Variants in NFE2L3 observed in about 807,000 individuals in gnomAD.
NFE2L3 encodes nuclear factor erythroid 2-related factor 3.
In NFE2L3, 18 loss-of-function variants were observed where a neutral mutation model predicts 23.5. The ratio of observed to expected loss-of-function variants is 0.77; its 90% confidence interval spans 0.53 to 1.13. The LOEUF is 1.13. Among genes scored for constraint, NFE2L3 ranks in the 50% most tolerant of loss-of-function variants. The probability of loss-of-function intolerance (pLI) is 0.00; values close to 1 mark genes in which losing one functional copy is unlikely to be tolerated. For synonymous variants in NFE2L3, 424 were observed against 354.5 expected (o/e 1.20, Z -2.20); for missense variants, 1,152 against 877.2 (o/e 1.31, Z -3.96).
chr7:26,160,797 C>T (rs10268883), intron 1 of NFE2L3, among the ~76,000 whole-genome samples: 55,858 of 152,100 alleles, frequency 0.37, 10,767 homozygotes, highest in Non-Finnish European at 0.42. Flanking sequence ...AATAGAATGA[C>T]TTAAGAACAA....
intron 2 of NFE2L3, among the ~76,000 whole-genome samples, chr7:26,181,480 G>A (rs1784507967): frequency 6.6e-6 from 1 of 152,072 alleles, no homozygotes; most frequent in Admixed American, 6.5e-5. Flanking sequence ...TTAGAAATCA[G>A]AACCCCAGTG....
At chr7:26,157,976 T>C (rs924425144) in intron 1 of NFE2L3, among the ~76,000 whole-genome samples, 5 of 152,218 alleles carry the variant, frequency 3.3e-5, no homozygotes, top group Non-Finnish European at 7.3e-5. Context: ...GCCTTCATCT[T>C]CACATGGCAT....
Position 26,185,443 on chromosome 7 carries a change from T to C in NFE2L3, c.1745T>C (p.Ile582Thr). The C allele has an allele frequency of 1.9e-6, 3 of 1,614,088 alleles. No homozygotes were observed. The highest frequency in any genetic ancestry group is 2.5e-6 in the Non-Finnish European group (3 of 1,179,954). Residue 582 changes from isoleucine (I) to threonine (T), a missense_variant, in exon 4 of 4, where the codon ATC (isoleucine) becomes ACC (threonine). Transcript: ENST00000056233. ...CTACAAGTCTCACTTATCCGTGACA[T>C]CAGACGAAGAGGGAAAAATAAAGTT... ...TDLQVSLIRD[I>T]RRRGKNKVAA...
chr7:26,157,354 T>A (rs1256728951), intron 1 of NFE2L3, among the ~76,000 whole-genome samples: 1 of 151,976 alleles, frequency 6.6e-6, no homozygotes, highest in Non-Finnish European at 1.5e-5. Context: ...ATTTTTTTTT[T>A]TTTTAATAGA....
intron 1 of NFE2L3, among the ~76,000 whole-genome samples, chr7:26,163,447 A>G (rs371180791): frequency 7.9e-5 from 12 of 152,286 alleles, no homozygotes; most frequent in Admixed American, 2.0e-4. Context: ...CCCGGGTTCA[A>G]GCAATTCTCC....
At chr7:26,175,733 C>T (rs1392651654) in intron 1 of NFE2L3, among the ~76,000 whole-genome samples, 4 of 148,186 alleles carry the variant, frequency 2.7e-5, no homozygotes, top group Middle Eastern at 7.2e-3. Flanking sequence ...GAGCCAAGAT[C>T]GTGCCACTGC....
At chr7:26,184,219 C>T (rs762990337) in intron 3 of NFE2L3, 34 of 348,774 alleles carry the variant, frequency 9.7e-5, no homozygotes, top group Admixed American at 2.3e-4. Context: ...GATTACCAAC[C>T]GCTAGGATGA....
intron 3 of NFE2L3, 178 bp from the exon 4 acceptor site, chr7:26,184,355 T>G (rs1181836952): frequency 3.5e-6 from 2 of 571,300 alleles, no homozygotes; most frequent in South Asian, 2.4e-5. Context: ...GTATTCTGAT[T>G]TGGACTCACA....
At chr7:26,168,608 T>C (rs771148956) in intron 1 of NFE2L3, among the ~76,000 whole-genome samples, 124 of 150,816 alleles carry the variant, frequency 8.2e-4, no homozygotes, top group Middle Eastern at 3.5e-3. Flanking sequence ...ACAATTTCTT[T>C]ATCCACTCAT....
At chr7:26,168,923 G>A (rs1784295640) in intron 1 of NFE2L3, among the ~76,000 whole-genome samples, 1 of 152,164 alleles carries the variant, frequency 6.6e-6, no homozygotes, top group Non-Finnish European at 1.5e-5. Flanking sequence ...TCGGGAAACT[G>A]AGGGTCAAAG....
rs760038681 is a variant in NFE2L3 at position 26,178,048 on chromosome 7, A to AATG, written c.687_689dup (p.Asp229dup). On this transcript the variant is annotated inframe_insertion, in exon 2 of 4. Coordinates refer to ENST00000056233, the MANE Select transcript of NFE2L3 (RefSeq NM_004289.7). ...CCAGAAGGAGAACTCACTTCAGCAGAATGATGATGATGAAAACAAAATAGC... is the reference window on the plus strand; with the variant it reads ...CCAGAAGGAGAACTCACTTCAGCAGAATGATGATGATGATGAAAACAAAATAGC... 1.9e-6 allele frequency: 3 copies of AATG among 1,614,010 alleles called. No homozygotes were observed. The highest frequency in any genetic ancestry group is 2.2e-5 in the East Asian group (1 of 44,882).
chr7:26,183,941 A>G, intron 3 of NFE2L3, 157 bp downstream of exon 3: 1 of 569,418 alleles, frequency 1.8e-6, no homozygotes, highest in Non-Finnish European at 3.1e-6. Flanking sequence ...TATGTATAGC[A>G]TTCCTCTTTC....
intron 1 of NFE2L3, 103 bp from the exon 2 acceptor site, chr7:26,177,840 G>A (rs142835490): frequency 4.8e-5 from 46 of 955,488 alleles, no homozygotes; most frequent in African/African-American, 8.2e-5. Flanking sequence ...TTGAAATGCC[G>A]GTCTTAGCTT....
intron 2 of NFE2L3, among the ~76,000 whole-genome samples, chr7:26,178,442 C>A (rs1205670198): frequency 6.6e-6 from 1 of 152,116 alleles, no homozygotes; most frequent in Non-Finnish European, 1.5e-5. Context: ...CCTAGGAGTC[C>A]TCAACCAGCC....
Position 26,152,812 on chromosome 7 carries a change from G to T in NFE2L3, c.314G>T (p.Arg105Leu). The T allele has an allele frequency of 6.7e-7, 1 of 1,486,942 alleles. No individual in the cohort carries two copies. The highest frequency in any genetic ancestry group is 8.9e-7 in the Non-Finnish European group (1 of 1,126,284). 92.1% of individuals were successfully genotyped at this position (1,486,942 alleles called of 1,614,324 possible). A position where few individuals can be genotyped will look rare whatever the true frequency, so the allele number is the denominator to read the frequency against. Residue 105 changes from arginine (R) to leucine (L), a missense_variant, in exon 1 of 4, where the codon CGC becomes CTC. Transcript: ENST00000056233. The surrounding 1 kb of genome is among the most constrained non-coding windows in gnomAD (Gnocchi z 4.4). ...VRALGVPFVP[R>L]TSVDAWLVHS... ...GCGCTCGGGGTCCCCTTCGTCCCTC[G>T]CACCAGCGTGGATGCATGGCTGGTG... is the stretch of plus-strand genomic sequence containing the variant.
Position 26,152,632 on chromosome 7 carries a change from A to G in NFE2L3, c.134A>G (p.Glu45Gly). 6.5e-7 allele frequency: 1 copy of G among 1,529,818 alleles called. No homozygotes were observed. 94.8% of individuals were successfully genotyped at this position (1,529,818 alleles called of 1,614,324 possible). Residue 45 changes from glutamate (E) to glycine (G), a missense_variant, in exon 1 of 4, where the codon GAG becomes GGG. Glu to Gly is a moderately conservative substitution (Grantham distance 98). Transcript: ENST00000056233. The surrounding 1 kb of genome is among the most constrained non-coding windows in gnomAD (Gnocchi z 4.4). ...LLPPPTLLQDELLFLGGPASS... is the reference protein window; with the variant it reads ...LLPPPTLLQDGLLFLGGPASS... ...CCGCCGCCCACCCTGCTGCAGGACGAGCTGCTGTTCCTGGGCGGCCCGGCC... is the reference window on the plus strand; with the variant it reads ...CCGCCGCCCACCCTGCTGCAGGACGGGCTGCTGTTCCTGGGCGGCCCGGCC...
At chr7:26,182,468 A>G (rs1333287590) in intron 2 of NFE2L3, among the ~76,000 whole-genome samples, 2 of 152,156 alleles carry the variant, frequency 1.3e-5, no homozygotes, top group African/African-American at 4.8e-5. Flanking sequence ...TACTAAAAAT[A>G]TAAAAATTGG....
intron 1 of NFE2L3, among the ~76,000 whole-genome samples, chr7:26,155,765 G>A (rs1340111106): frequency 6.6e-6 from 1 of 152,214 alleles, no homozygotes. Context: ...ACTGGTCTTT[G>A]CGGTCAGCTA....
At chr7:26,178,890 C>A (rs1190316947) in intron 2 of NFE2L3, among the ~76,000 whole-genome samples, 1 of 152,076 alleles carries the variant, frequency 6.6e-6, no homozygotes, top group Non-Finnish European at 1.5e-5. Context: ...TCTTAGGCAT[C>A]ACCTGCTTTA....
Sources: gnomAD v4.1 joint callset for allele counts (sites outside exome capture counted in the v4.1 genomes callset) on GRCh38, gnomAD v4.1.1 for gene constraint, Gnocchi (gnomAD v3.1) non-coding constraint, MANE v1.5 for transcripts, NCBI Gene and HGNC (gene_info 2026-07-23, HGNC 2026-07-21) for gene names.